Variants in AP3D1 observed in about 807,000 individuals in gnomAD.
AP3D1 encodes the protein AP-3 complex subunit delta-1.
In AP3D1, 51 loss-of-function variants were observed where a neutral mutation model predicts 147.6. The ratio of observed to expected loss-of-function variants is 0.35; its 90% CI spans 0.28 to 0.44. AP3D1 has a LOEUF of 0.44. AP3D1 is among the 20% of genes least tolerant of loss of function. The pLI is 1.00. For missense variants in AP3D1, 1,421 were observed against 1,624.2 expected (o/e 0.87, Z 2.15); for synonymous variants, 760 against 663.0 (o/e 1.15, Z -2.25).
chr19:2,158,119 G>C (rs542499065), intron 1 of AP3D1, among the ~76,000 whole-genome samples: 1 of 151,840 alleles, frequency 6.6e-6, no homozygotes, highest in Admixed American at 6.6e-5. Flanking sequence ...GCAGTGGTGC[G>C]ATCTCGGCTC....
Position 2,157,682 on chromosome 19 carries a change from TC to T in AP3D1, c.-103+6673del, listed in dbSNP as rs2019659859. Among the ~76,000 whole-genome samples, 3 of 102,432 alleles carry T rather than the reference TC, an allele frequency of 2.9e-5. No individual in the cohort carries two copies. In the South Asian group the frequency reaches 1.1e-3, roughly 38 times the overall value. 67.2% of individuals were successfully genotyped at this position (102,432 alleles called of 152,430 possible). The stretch of plus-strand genomic sequence containing the variant: ...AAAAAAACAAACATCCACCCACCCA[TC>T]CATCCCCATCCACCCATCCACCCAC... On this transcript the variant is annotated intron_variant, in intron 1 of 14. Coordinates refer to the AP3D1 transcript ENST00000643010.
At chr19:2,163,751 C>T (rs2019794659) in intron 1 of AP3D1, among the ~76,000 whole-genome samples, 1 of 151,584 alleles carries the variant, frequency 6.6e-6, no homozygotes, top group Non-Finnish European at 1.5e-5. Flanking sequence ...CGAGGGCAAC[C>T]GAGGACGTGC....
chr19:2,154,339 G>A (rs2019628353), upstream of AP3D1, among the ~76,000 whole-genome samples: 1 of 150,466 alleles, frequency 6.6e-6, no homozygotes, highest in African/African-American at 2.4e-5. Flanking sequence ...GAGTGCAGTG[G>A]CTCAATCTTG....
At chr19:2,149,222 G>A (rs2019442047) in intron 1 of AP3D1, among the ~76,000 whole-genome samples, 2 of 151,998 alleles carry the variant, frequency 1.3e-5, no homozygotes, top group Non-Finnish European at 2.9e-5. Flanking sequence ...GGAAGCCTGG[G>A]ACTTTCAAGG....
chr19:2,122,955 G>A (rs905832955), intron 11 of AP3D1, among the ~76,000 whole-genome samples: 2 of 152,232 alleles, frequency 1.3e-5, no homozygotes, highest in Non-Finnish European at 2.9e-5. Flanking sequence ...CTGGGCAAGG[G>A]TGCTGTGTGC....
At chr19:2,118,574 G>A (rs777273893) in intron 15 of AP3D1, 27 bp downstream of exon 15, 126 of 1,584,418 alleles carry the variant, frequency 8.0e-5, no homozygotes, top group Middle Eastern at 1.9e-4. Context: ...CCTGAGGCTC[G>A]GCCCAACACG....
chr19:2,116,133 C>T, intron 18 of AP3D1, 74 bp downstream of exon 18: 1 of 1,485,600 alleles, frequency 6.7e-7, no homozygotes, highest in Non-Finnish European at 9.3e-7. Context: ...ACCCGAAACT[C>T]AGATGGATGC....
At chr19:2,151,208 G>A (rs757585901) in intron 1 of AP3D1, 31 bp downstream of exon 1, 5 of 1,594,400 alleles carry the variant, frequency 3.1e-6, no homozygotes, top group Non-Finnish European at 3.4e-6. Flanking sequence ...CTGTGACCAG[G>A]CCGAGCAGCC....
chr19:2,161,542 G>C (rs2019698995), intron 1 of AP3D1, among the ~76,000 whole-genome samples: 1 of 152,032 alleles, frequency 6.6e-6, no homozygotes, highest in South Asian at 2.1e-4. Flanking sequence ...TAATGTCAAG[G>C]TCAAAATAAG....
In AP3D1 at chr19:2,112,969, T is replaced by G. The variant is rs367888440; in HGVS notation, c.2680-2A>C. 34 of 1,606,538 alleles carry G rather than the reference T, an allele frequency of 2.1e-5. No individual in the cohort carries two copies. The African/African-American group carries it at 4.4e-4, about 21-fold the overall frequency. Reference sequence around the variant, plus strand: ...GACAGTGTTCACACTGAGCTCCCCCTGCAGGGAGCCAGGGCTTGGGGCTCA... The same window carrying G: ...GACAGTGTTCACACTGAGCTCCCCCGGCAGGGAGCCAGGGCTTGGGGCTCA... On this transcript the variant is annotated splice_acceptor_variant, in intron 23 of 31. Coordinates refer to ENST00000643116, the MANE Select transcript of AP3D1 (RefSeq NM_001261826.3). LOFTEE classifies it high-confidence loss of function.
At chr19:2,150,383 C>T (rs1296128219) in intron 1 of AP3D1, among the ~76,000 whole-genome samples, 1 of 152,234 alleles carries the variant, frequency 6.6e-6, no homozygotes, top group Non-Finnish European at 1.5e-5. Flanking sequence ...GCCACTCTGC[C>T]CATTCTTCTT....
chr19:2,105,856 G>A (rs114820188), intron 31 of AP3D1, among the ~76,000 whole-genome samples: 2,024 of 152,248 alleles, frequency 0.013, 18 homozygotes, highest in Middle Eastern at 0.034. Context: ...AGCACTTTGG[G>A]AGTCTGAGGC....
rs766047908 is a variant in AP3D1 at position 2,118,831 on chromosome 19, G to C, written c.1483C>G (p.His495Asp). 4.3e-6 allele frequency: 7 copies of C among 1,612,528 alleles called. No individual in the cohort carries two copies. In the Admixed American group the frequency reaches 1.2e-4, roughly 27 times the overall value. ...AAAGTGTGGTGTGGTTCCTGCAGAT[G>C]CCTGAGGACAGGAAACACTGTGAGC... ...AAWICGEFSE[H>D]LQEPHHTLEA... The change falls in exon 15 of 32, where the codon CAT (histidine) becomes GAT (aspartate). Residue 495 changes from histidine (H) to aspartate (D), a missense_variant and splice_region_variant. His to Asp is a moderately conservative substitution (Grantham distance 81). Around this residue, in one of 6 missense-constraint regions of AP3D1, gnomAD observed 310 missense variants for 388.1 expected, o/e 0.80. Transcript: ENST00000643116.
At chr19:2,136,044 C>T (rs1286592422) in intron 4 of AP3D1, among the ~76,000 whole-genome samples, 2 of 151,140 alleles carry the variant, frequency 1.3e-5, no homozygotes, top group Non-Finnish European at 3.0e-5. Context: ...CCCGCCCAGG[C>T]CCCTCCCGCT....
rs954595319 is a variant in AP3D1, at chr19:2,107,767, A to G, written c.3552+920T>C. Among the ~76,000 whole-genome samples the G allele has an allele frequency of 2.6e-5, 4 of 151,620 alleles. No individual in the cohort carries two copies. The East Asian group carries it at 5.8e-4, about 22-fold the overall frequency. The stretch of plus-strand genomic sequence containing the variant: ...AAAAAAAAAAAAAGAAAAGTGCAAT[A>G]AAATGGTTCTACCCAGGAGAACCAG... On this transcript the variant is annotated intron_variant, in intron 31 of 31. Coordinates refer to ENST00000643116, the MANE Select transcript of AP3D1 (RefSeq NM_001261826.3).
intron 31 of AP3D1, among the ~76,000 whole-genome samples, chr19:2,107,149 G>C (rs956158503): frequency 3.3e-5 from 5 of 151,664 alleles, no homozygotes; most frequent in African/African-American, 4.8e-5. Flanking sequence ...TGTATTCCCA[G>C]CTACTGCGGA....
chr19:2,132,239 C>G (rs1024700987), intron 5 of AP3D1, among the ~76,000 whole-genome samples: 11 of 152,196 alleles, frequency 7.2e-5, no homozygotes, highest in Non-Finnish European at 1.5e-4. Context: ...CAGGGACACC[C>G]TGTTGCTCCT....
intron 9 of AP3D1, among the ~76,000 whole-genome samples, chr19:2,125,298 G>T (rs1262102207): frequency 6.6e-6 from 1 of 152,140 alleles, no homozygotes; most frequent in Non-Finnish European, 1.5e-5. Context: ...CTTTGTAGGA[G>T]TGTTGTTTTT....
rs185985627 is a variant in AP3D1, at chr19:2,114,644, C to G, written c.2423+104G>C. Reference sequence around the variant, plus strand: ...AAGGCCCGCCCGCACCCCACCCCAGCCTGCCCACCCTGCAGAGCCCGGCCC... The same window carrying G: ...AAGGCCCGCCCGCACCCCACCCCAGGCTGCCCACCCTGCAGAGCCCGGCCC... On this transcript the variant is annotated intron_variant, in intron 21 of 31. Transcript: ENST00000643116. The G allele has an allele frequency of 1.3e-3, 996 of 748,872 alleles. 2 individuals are homozygous for G. In the East Asian group the frequency reaches 0.02, roughly 15 times the overall value. The allele number at this position is 748,872 out of a possible 1,614,324, so 46.4% of individuals were successfully genotyped here.
Sources: allele counts gnomAD v4.1 joint callset (sites outside exome capture counted in the v4.1 genomes callset), GRCh38; gene constraint gnomAD v4.1.1; regional missense constraint gnomAD v4.1.1; transcripts MANE v1.5; gene names NCBI Gene and HGNC (gene_info 2026-07-23, HGNC 2026-07-21).